IL1RAPL1: variants seen among roughly 807,000 people sequenced by gnomAD.
IL1RAPL1 encodes the protein interleukin 1 receptor accessory protein like 1, also known as interleukin-1 receptor accessory protein-like 1.
IL1RAPL1 carries 3 observed loss-of-function variants against 48.4 expected under a neutral mutation model. The observed-to-expected ratio is 0.06, with a 90% CI of 0.03 to 0.16. IL1RAPL1 has a LOEUF of 0.16. Ranked by LOEUF, IL1RAPL1 falls within the 10% of genes least tolerant of loss-of-function variation. The probability of loss-of-function intolerance (pLI) is 1.00; values close to 1 mark genes in which losing one functional copy is unlikely to be tolerated. For synonymous variants in IL1RAPL1, 185 were observed against 187.7 expected, an observed-to-expected ratio of 0.99 and a Z score of 0.12; for missense variants, 349 against 530.6, an observed-to-expected ratio of 0.66 and a Z score of 3.36.
chrX:28,737,141 C>T (rs796390436), intron 1 of IL1RAPL1, among the ~76,000 whole-genome samples: 7 of 30,894 alleles, frequency 2.3e-4, no homozygotes, highest in Admixed American at 5.6e-4. Flanking sequence ...TTCCTTCCTT[C>T]CTTCCTTCCT....
intron 6 of IL1RAPL1, among the ~76,000 whole-genome samples, chrX:29,859,432 CT>C (rs1931535117): frequency 9.0e-6 from 1 of 111,222 alleles, no homozygotes; most frequent in Non-Finnish European, 1.9e-5. Context: ...CTCCCCATAC[CT>C]TCTGCACTTG....
chrX:28,614,583 A>G (rs1462604502), intron 1 of IL1RAPL1, among the ~76,000 whole-genome samples: 1 of 111,369 alleles, frequency 9.0e-6, no homozygotes, highest in African/African-American at 3.3e-5. Flanking sequence ...CTACAATAAT[A>G]TTGAGAAATA....
intron 2 of IL1RAPL1, among the ~76,000 whole-genome samples, chrX:29,177,638 A>T (rs1236355961): frequency 2.7e-5 from 3 of 112,122 alleles, no homozygotes; most frequent in Non-Finnish European, 5.6e-5. Context: ...GTACATGTGC[A>T]CAACGTGCAG....
At chrX:29,492,831 T>C (rs1375103888) in intron 5 of IL1RAPL1, among the ~76,000 whole-genome samples, 2 of 111,518 alleles carry the variant, frequency 1.8e-5, no homozygotes, top group Admixed American at 1.9e-4. Flanking sequence ...CTACATATGG[T>C]CTCTTATTAT....
At chrX:29,889,920 T>TAC (rs1932243235) in intron 6 of IL1RAPL1, among the ~76,000 whole-genome samples, 1 of 110,494 alleles carries the variant, frequency 9.1e-6, no homozygotes, top group African/African-American at 3.3e-5. Context: ...TATATATATA[T>TAC]ACACATACAT....
chrX:28,861,646 C>T (rs999387085), intron 2 of IL1RAPL1, among the ~76,000 whole-genome samples: 6 of 110,881 alleles, frequency 5.4e-5, no homozygotes, highest in Admixed American at 2.9e-4. Context: ...AAAAACATCC[C>T]GATTTACAGC....
At chrX:29,366,032 A>G (rs1933448889) in intron 3 of IL1RAPL1, among the ~76,000 whole-genome samples, 1 of 91,217 alleles carries the variant, frequency 1.1e-5, no homozygotes, top group African/African-American at 3.9e-5. Context: ...TGGATGATAG[A>G]GTGAGACTGT....
chrX:29,276,196 C>T (rs1932116218), intron 2 of IL1RAPL1, among the ~76,000 whole-genome samples: 1 of 111,702 alleles, frequency 9.0e-6, no homozygotes, highest in African/African-American at 3.3e-5. Context: ...CAACAAGTGT[C>T]CCAAAGGAAT....
At chrX:29,242,288 G>T (rs1247988480) in intron 2 of IL1RAPL1, among the ~76,000 whole-genome samples, 2 of 112,382 alleles carry the variant, frequency 1.8e-5, no homozygotes, top group Admixed American at 9.4e-5. Flanking sequence ...ATCATCCCAA[G>T]AATTCTGTGA....
intron 6 of IL1RAPL1, among the ~76,000 whole-genome samples, chrX:29,789,290 A>G (rs1929575449): frequency 2.7e-5 from 3 of 111,904 alleles, no homozygotes; most frequent in Non-Finnish European, 5.6e-5. Context: ...GGAATTGCTG[A>G]AGGAAAGTTT....
At chrX:29,366,444 G>A (rs1202903093) in intron 3 of IL1RAPL1, among the ~76,000 whole-genome samples, 1 of 109,335 alleles carries the variant, frequency 9.1e-6, no homozygotes, top group East Asian at 2.9e-4. Flanking sequence ...ATGATTACCA[G>A]CCATCCACAG....
At position 29,164,964 on chromosome X, in the gene IL1RAPL1, A is replaced by G. The variant is rs1189245536; in HGVS notation, c.83-117974A>G. Among the ~76,000 whole-genome samples the G allele has an allele frequency of 6.3e-5, 7 of 111,924 alleles. No individual in the cohort carries two copies. In the Admixed American group the frequency reaches 6.7e-4, roughly 11 times the overall value. ...GAATCTAGCCATCAGTTCTTTCTGT[A>G]CTATGCATGCACAGCGTCTAACTTG... is the stretch of plus-strand genomic sequence containing the variant. On this transcript the variant is annotated intron_variant, in intron 2 of 10. Transcript: ENST00000378993.
rs951793378 is a variant in IL1RAPL1, at chrX:29,304,390, T to C, written c.362+21173T>C. ...CTCTTTCCTTTCTGGCCCTTTGAAA[T>C]TCAAGCTTATTTAATAATGAATTTT... On this transcript the variant is annotated intron_variant, in intron 3 of 10. Coordinates refer to ENST00000378993, the MANE Select transcript of IL1RAPL1 (RefSeq NM_014271.4). Among the ~76,000 whole-genome samples, 10 of 112,062 alleles carry C rather than the reference T, an allele frequency of 8.9e-5. No homozygotes were observed. The Admixed American group carries it at 9.5e-4, about 11-fold the overall frequency.
At chrX:29,284,787 A>G (rs142370114) in intron 3 of IL1RAPL1, among the ~76,000 whole-genome samples, 1 of 111,868 alleles carries the variant, frequency 8.9e-6, no homozygotes, top group Non-Finnish European at 1.9e-5. Context: ...TTCCTTTGGC[A>G]ACTCTTCTTC....
intron 2 of IL1RAPL1, among the ~76,000 whole-genome samples, chrX:29,201,715 G>C (rs1930559451): frequency 9.2e-6 from 1 of 108,152 alleles, no homozygotes; most frequent in African/African-American, 3.4e-5. Context: ...TTTTGAGATG[G>C]AGTTTCACTC....
chrX:29,043,171 T>C (rs1322230320), intron 2 of IL1RAPL1, among the ~76,000 whole-genome samples: 1 of 111,718 alleles, frequency 9.0e-6, no homozygotes, highest in Non-Finnish European at 1.9e-5. Flanking sequence ...ACCAACATTG[T>C]GATGATGTGT....
intron 2 of IL1RAPL1, among the ~76,000 whole-genome samples, chrX:28,826,072 T>C (rs1936992674): frequency 8.9e-6 from 1 of 111,835 alleles, no homozygotes; most frequent in Non-Finnish European, 1.9e-5. Flanking sequence ...TTTACCTAAA[T>C]TTGTTGGTTG....
At chrX:29,010,793 T>C (rs955443085) in intron 2 of IL1RAPL1, among the ~76,000 whole-genome samples, 4 of 111,635 alleles carry the variant, frequency 3.6e-5, no homozygotes, top group African/African-American at 9.8e-5. Context: ...TTGTCACTTA[T>C]TAGTTTTGTG....
At chrX:28,922,087 T>G (rs995870596) in intron 2 of IL1RAPL1, among the ~76,000 whole-genome samples, 3 of 111,862 alleles carry the variant, frequency 2.7e-5, no homozygotes, top group Non-Finnish European at 5.6e-5. Flanking sequence ...AATTTACATG[T>G]CCATCAGTTT....
Sources: allele counts gnomAD v4.1 joint callset (sites outside exome capture counted in the v4.1 genomes callset), GRCh38; gene constraint gnomAD v4.1.1; transcripts MANE v1.5; gene names NCBI Gene and HGNC (gene_info 2026-07-23, HGNC 2026-07-21).